Variants in PLA2G4E observed in about 807,000 individuals in gnomAD.
PLA2G4E encodes the protein cytosolic phospholipase A2 epsilon.
Under a neutral mutation model 109.1 loss-of-function variants are expected in PLA2G4E, and 84 were observed. The ratio of observed to expected loss-of-function variants is 0.77; its 90% confidence interval spans 0.65 to 0.92. PLA2G4E has a LOEUF of 0.92. PLA2G4E is among the 40% of genes least tolerant of loss of function. The pLI is 0.00. For synonymous variants in PLA2G4E, 469 were observed against 436.1 expected, an observed-to-expected ratio of 1.08 and a Z score of -0.94; for missense variants, 1,057 against 1,076.6, an observed-to-expected ratio of 0.98 and a Z score of 0.25.
chr15:42,043,685 C>T (rs1394982233), intron 1 of PLA2G4E, among the ~76,000 whole-genome samples: 10 of 152,008 alleles, frequency 6.6e-5, no homozygotes, highest in Non-Finnish European at 1.3e-4. Context: ...AGCAGGAGAT[C>T]TAGAGTTAGA....
chr15:41,987,937 C>T (rs922849005), intron 16 of PLA2G4E, 112 bp downstream of exon 16: 2 of 549,674 alleles, frequency 3.6e-6, no homozygotes, highest in African/African-American at 4.1e-5. Context: ...GGGGGCCGCC[C>T]CCCATCACCC....
intron 10 of PLA2G4E, chr15:41,998,679 T>C (rs1046457059): frequency 3.9e-5 from 6 of 152,200 alleles, no homozygotes; most frequent in African/African-American, 1.4e-4. Flanking sequence ...ACCATGTAGA[T>C]TGATTACCTA....
intron 4 of PLA2G4E, among the ~76,000 whole-genome samples, chr15:42,005,186 G>T (rs2068462989): frequency 6.6e-6 from 1 of 152,166 alleles, no homozygotes. Flanking sequence ...GCCCAGGGGA[G>T]GTCAGGGTGT....
At chr15:42,050,574 G>A in exon 1 of PLA2G4E, 1 of 1,550,606 alleles carries the variant, frequency 6.4e-7, no homozygotes, top group South Asian at 1.2e-5. Context: ...GGAGTGTCCA[G>A]GTCCTGTGTA....
intron 1 of PLA2G4E, among the ~76,000 whole-genome samples, chr15:42,036,476 A>G (rs1249535270): frequency 6.6e-6 from 1 of 152,142 alleles, no homozygotes; most frequent in South Asian, 2.1e-4. Context: ...CATTGCTGCC[A>G]TCGCCGAGGA....
At chr15:42,017,291 A>C (rs536566388) in intron 1 of PLA2G4E, among the ~76,000 whole-genome samples, 1 of 152,070 alleles carries the variant, frequency 6.6e-6, no homozygotes, top group South Asian at 2.1e-4. Context: ...CTCCCTTGGG[A>C]CCTCACTCCA....
chr15:42,022,731 T>C (rs2068659189), intron 1 of PLA2G4E, among the ~76,000 whole-genome samples: 1 of 152,084 alleles, frequency 6.6e-6, no homozygotes, highest in Non-Finnish European at 1.5e-5. Context: ...GAAGCTTCAC[T>C]CACTCGCCCA....
In PLA2G4E at chr15:42,033,873, A is replaced by G. The variant is rs547876609; in HGVS notation, c.183+16648T>C. On this transcript the variant is annotated intron_variant, in intron 1 of 19. Transcript: ENST00000399518. ...TAGGGGAGCTGGCAGCATGGCAGAG[A>G]CCCCTTGCCAAGGTGCAAATGACAC... Among the ~76,000 whole-genome samples, 14 of 152,152 alleles carry G rather than the reference A, an allele frequency of 9.2e-5. No individual in the cohort carries two copies. The South Asian group carries it at 2.5e-3, about 27-fold the overall frequency.
chr15:42,041,333 G>A (rs1281772385), intron 1 of PLA2G4E, among the ~76,000 whole-genome samples: 1 of 151,930 alleles, frequency 6.6e-6, no homozygotes, highest in African/African-American at 2.4e-5. Flanking sequence ...AAAAAAAGTT[G>A]TTGATGAATG....
intron 15 of PLA2G4E, among the ~76,000 whole-genome samples, chr15:41,989,096 C>T (rs998231791): frequency 1.3e-5 from 2 of 152,122 alleles, no homozygotes; most frequent in South Asian, 2.1e-4. Context: ...CCTGGACCCT[C>T]GGGTCCCAGG....
chr15:42,049,492 G>T (rs902037476), intron 1 of PLA2G4E, among the ~76,000 whole-genome samples: 1 of 152,136 alleles, frequency 6.6e-6, no homozygotes, highest in African/African-American at 2.4e-5. Flanking sequence ...ATGGAGGATG[G>T]TCCCCCAATA....
At chr15:42,045,214 C>G (rs1414527087) in intron 1 of PLA2G4E, among the ~76,000 whole-genome samples, 3 of 152,108 alleles carry the variant, frequency 2.0e-5, no homozygotes, top group African/African-American at 7.2e-5. Context: ...GGGAGACCCT[C>G]TACGATGGGA....
At chr15:42,030,065 A>C (rs1335209681) in intron 1 of PLA2G4E, among the ~76,000 whole-genome samples, 1 of 152,168 alleles carries the variant, frequency 6.6e-6, no homozygotes, top group African/African-American at 2.4e-5. Context: ...AGAAGGAAGG[A>C]TATGGGCCTG....
At chr15:41,993,416 G>C (rs747092170) in intron 12 of PLA2G4E, among the ~76,000 whole-genome samples, 1 of 152,196 alleles carries the variant, frequency 6.6e-6, no homozygotes, top group African/African-American at 2.4e-5. Flanking sequence ...AACAGTGCAT[G>C]GCACAGAACA....
chr15:41,997,047 G>A, intron 11 of PLA2G4E, 77 bp downstream of exon 11: 2 of 1,445,298 alleles, frequency 1.4e-6, no homozygotes, highest in Non-Finnish European at 1.8e-6. Flanking sequence ...GGGTAGGGCA[G>A]GGCCTGGGTT....
chr15:42,014,808 C>T (rs7163284), intron 1 of PLA2G4E, among the ~76,000 whole-genome samples: 71,276 of 152,022 alleles, frequency 0.47, 17,502 homozygotes, highest in African/African-American at 0.59. Flanking sequence ...GGCTGGTCTG[C>T]GATGACCTCT....
intron 3 of PLA2G4E, among the ~76,000 whole-genome samples, chr15:42,006,494 G>T (rs2068478275): frequency 6.6e-6 from 1 of 152,178 alleles, no homozygotes; most frequent in Non-Finnish European, 1.5e-5. Flanking sequence ...GGTCAGCACT[G>T]GGCCCCTGGG....
At chr15:41,989,501 A>G (rs1742415525) in exon 15 of PLA2G4E, 1 of 1,613,784 alleles carries the variant, frequency 6.2e-7, no homozygotes, top group African/African-American at 1.3e-5. Context: ...GGAGGGGATG[A>G]AGGCCCCATA....
intron 3 of PLA2G4E, among the ~76,000 whole-genome samples, chr15:42,006,869 A>T (rs940438475): frequency 1.3e-5 from 2 of 152,192 alleles, no homozygotes; most frequent in Non-Finnish European, 2.9e-5. Flanking sequence ...TACTAGAAAC[A>T]CAGGTATGTC....
Sources: gnomAD v4.1 joint callset for allele counts (sites outside exome capture counted in the v4.1 genomes callset) on GRCh38, gnomAD v4.1.1 for gene constraint, MANE v1.5 for transcripts, NCBI Gene and HGNC (gene_info 2026-07-23, HGNC 2026-07-21) for gene names.